The following TIAM1 variants were observed in gnomAD, a reference collection of about 807,000 sequenced individuals.
The protein encoded by TIAM1 is rho guanine nucleotide exchange factor TIAM1.
Under a neutral mutation model 163.5 loss-of-function variants are expected in TIAM1, and 65 were observed. The observed-to-expected ratio is 0.40, with a 90% CI of 0.33 to 0.49. The LOEUF (loss-of-function observed/expected upper bound fraction) is 0.49, where lower values mean the gene tolerates loss of function less well. Among genes scored for constraint, TIAM1 ranks in the 20% least tolerant of loss-of-function variants. TIAM1 has a pLI of 0.77. For synonymous variants in TIAM1, 833 were observed against 810.1 expected (o/e 1.03, Z -0.48); for missense variants, 1,789 against 2,044.7 (o/e 0.87, Z 2.41).
chr21:31,199,378 G>A (rs2086065763), intron 12 of TIAM1, among the ~76,000 whole-genome samples: 1 of 151,882 alleles, frequency 6.6e-6, no homozygotes, highest in Non-Finnish European at 1.5e-5. Context: ...GGCTCTACAT[G>A]GCCTATCCTT....
chr21:31,363,801 GCTCT>G (rs576516005), intron 2 of TIAM1, among the ~76,000 whole-genome samples: 5 of 152,124 alleles, frequency 3.3e-5, no homozygotes, highest in Non-Finnish European at 5.9e-5. Flanking sequence ...CCAGAAGAAA[GCTCT>G]CTGTTTCTGA....
At chr21:31,428,532 C>T (rs997128395) in intron 2 of TIAM1, among the ~76,000 whole-genome samples, 6 of 152,228 alleles carry the variant, frequency 3.9e-5, no homozygotes, top group Admixed American at 3.9e-4. Flanking sequence ...ACACAAAATA[C>T]ACACAACTCT....
intron 2 of TIAM1, among the ~76,000 whole-genome samples, chr21:31,435,323 GAT>G (rs1174739153): frequency 6.6e-6 from 1 of 152,134 alleles, no homozygotes; most frequent in Non-Finnish European, 1.5e-5. Context: ...TTACTCTAAA[GAT>G]ACATGCTTAT....
intron 10 of TIAM1, among the ~76,000 whole-genome samples, chr21:31,210,593 AGAGAGAAAGAAGGAAGGAAGGG>A (rs2086700366): frequency 1.1e-4 from 9 of 80,910 alleles, no homozygotes; most frequent in African/African-American, 5.6e-4. Flanking sequence ...AAAGAAAGAA[AGAGAGAAAGAAGGAAGGAAGGG>A]AGAAAGAAAG....
intron 1 of TIAM1, among the ~76,000 whole-genome samples, chr21:31,505,607 A>G (rs928944698): frequency 6.3e-5 from 9 of 143,428 alleles, no homozygotes; most frequent in Middle Eastern, 7.1e-3. Flanking sequence ...ATTGTGGGGG[A>G]AAAAATCAGT....
chr21:31,265,954 A>C (rs1401657661), intron 4 of TIAM1, 56 bp downstream of exon 4: 2 of 1,571,674 alleles, frequency 1.3e-6, no homozygotes, highest in African/African-American at 2.7e-5. Flanking sequence ...AAAGTCATGC[A>C]CTTAAAGAGT....
At chr21:31,338,706 T>A (rs2252002) in intron 2 of TIAM1, among the ~76,000 whole-genome samples, 3 of 152,124 alleles carry the variant, frequency 2.0e-5, no homozygotes, top group Admixed American at 2.0e-4. Context: ...CACGGCGACC[T>A]CTTGATCCAT....
At chr21:31,189,335 G>C (rs541973169) in intron 13 of TIAM1, among the ~76,000 whole-genome samples, 61 of 152,056 alleles carry the variant, frequency 4.0e-4, no homozygotes, top group African/African-American at 1.4e-3. Context: ...GATTACAGGT[G>C]TGAGCCATCA....
intron 1 of TIAM1, among the ~76,000 whole-genome samples, chr21:31,473,429 C>CAAAA (rs56691495): frequency 2.6e-5 from 2 of 75,682 alleles, no homozygotes; most frequent in Non-Finnish European, 5.4e-5. Context: ...GACTCCATCT[C>CAAAA]AAAAAAAAAA....
chr21:31,191,248 G>A (rs563134475), intron 13 of TIAM1, among the ~76,000 whole-genome samples: 1 of 151,902 alleles, frequency 6.6e-6, no homozygotes, highest in East Asian at 1.9e-4. Context: ...TGCAACCTCT[G>A]CCTCCCAGGT....
rs188132203 is a variant in TIAM1, at chr21:31,337,395, G to A, written c.-189+1848C>T. Among the ~76,000 whole-genome samples, 60 of 152,176 alleles carry A rather than the reference G, an allele frequency of 3.9e-4. 1 individual carries two copies. The South Asian group carries it at 5.8e-3, about 15-fold the overall frequency. ...ACCCTCCACCAAAGACAGCAGGAGC[G>A]AAAGCACTCAGGGAGAGGGAATTTA... On this transcript the variant is annotated intron_variant, in intron 2 of 27. Transcript: ENST00000541036.
chr21:31,275,298 C>T (rs945947980), intron 3 of TIAM1, among the ~76,000 whole-genome samples: 3 of 151,796 alleles, frequency 2.0e-5, no homozygotes, highest in Admixed American at 6.6e-5. Flanking sequence ...ATAGTAAATA[C>T]GTAATTCACT....
rs539161458 is a variant in TIAM1, at chr21:31,496,575, G to A, written c.-421-32540C>T. Among the ~76,000 whole-genome samples, 13 of 151,674 alleles carry A rather than the reference G, an allele frequency of 8.6e-5. 1 individual carries two copies. The South Asian group carries it at 1.3e-3, about 15-fold the overall frequency. ...TTTTTAAAAAATTAAAGTCTGTGAA[G>A]TTAAAAAGCTACAGTAAGCTACTGT... On this transcript the variant is annotated intron_variant, in intron 1 of 28. Transcript: ENST00000286827.
chr21:31,519,905 T>G (rs1280998106), intron 1 of TIAM1, among the ~76,000 whole-genome samples: 1 of 151,070 alleles, frequency 6.6e-6, no homozygotes, highest in Non-Finnish European at 1.5e-5. Flanking sequence ...AGGGTGGAAA[T>G]GGGAGTTATT....
At chr21:31,396,578 TATA>T (rs747538797) in intron 2 of TIAM1, among the ~76,000 whole-genome samples, 13 of 148,282 alleles carry the variant, frequency 8.8e-5, no homozygotes, top group African/African-American at 2.2e-4. Context: ...TTAAAATTAA[TATA>T]ATAATATGAA....
chr21:31,269,040 G>C (rs547620795), intron 3 of TIAM1, among the ~76,000 whole-genome samples: 2 of 152,320 alleles, frequency 1.3e-5, no homozygotes, highest in African/African-American at 4.8e-5. Context: ...AGGCAAAACT[G>C]TCGCCTCAAA....
intron 11 of TIAM1, 74 bp downstream of exon 11, chr21:31,209,971 T>G: frequency 6.6e-7 from 1 of 1,510,202 alleles, no homozygotes; most frequent in Non-Finnish European, 8.9e-7. Flanking sequence ...GCTCTGGGTT[T>G]CCACATGTGC....
intron 2 of TIAM1, among the ~76,000 whole-genome samples, chr21:31,404,099 T>C (rs1489112284): frequency 6.6e-6 from 1 of 152,230 alleles, no homozygotes; most frequent in African/African-American, 2.4e-5. Flanking sequence ...ACCTTTTATC[T>C]GATTAATCGA....
At chr21:31,176,125 AGTGGCTT>A (rs2084753348) in intron 15 of TIAM1, among the ~76,000 whole-genome samples, 1 of 152,176 alleles carries the variant, frequency 6.6e-6, no homozygotes, top group South Asian at 2.1e-4. Context: ...ATTGTCTCGT[AGTGGCTT>A]GCAGGGGTAC....
Sources: allele counts gnomAD v4.1 joint callset (sites outside exome capture counted in the v4.1 genomes callset), GRCh38; gene constraint gnomAD v4.1.1; transcripts MANE v1.5; gene names NCBI Gene and HGNC (gene_info 2026-07-23, HGNC 2026-07-21).